The following MOCOS variants were observed in gnomAD, a reference collection of about 807,000 sequenced individuals.
MOCOS encodes the protein molybdenum cofactor sulfurase.
In MOCOS, 86 loss-of-function variants were observed where a neutral mutation model predicts 83.6. The ratio of observed to expected loss-of-function variants is 1.03; its 90% CI spans 0.86 to 1.23. The LOEUF (loss-of-function observed/expected upper bound fraction) is 1.23, where lower values mean the gene tolerates loss of function less well. Ranked by LOEUF, MOCOS falls within the 50% of genes most tolerant of loss-of-function variation. The pLI is 0.00. For missense variants in MOCOS, 1,120 were observed against 1,126.9 expected, an observed-to-expected ratio of 0.99 and a Z score of 0.09; for synonymous variants, 445 against 434.7, an observed-to-expected ratio of 1.02 and a Z score of -0.29.
chr18:36,263,544 G>A (rs903047208), intron 13 of MOCOS, among the ~76,000 whole-genome samples: 2 of 152,194 alleles, frequency 1.3e-5, no homozygotes, highest in Non-Finnish European at 2.9e-5. Flanking sequence ...AGATCCCAGC[G>A]AGTGTGTTTA....
intron 11 of MOCOS, among the ~76,000 whole-genome samples, chr18:36,256,099 T>A (rs1434534894): frequency 6.6e-6 from 1 of 151,786 alleles, no homozygotes; most frequent in African/African-American, 2.4e-5. Flanking sequence ...TCCATGTTGG[T>A]CAGGCTGGTC....
rs111997432 is a variant in MOCOS, at chr18:36,256,090, C to G, written c.2165-878C>G. On this transcript the variant is annotated intron_variant, in intron 11 of 14. Transcript: ENST00000261326. ...TATTTTTACTAGAGATGGGGTTTCT[C>G]CATGTTGGTCAGGCTGGTCTTGAAC... Among the ~76,000 whole-genome samples the G allele has an allele frequency of 2.6e-3, 391 of 152,116 alleles. 3 individuals are homozygous for G. The highest frequency in any genetic ancestry group is 9.0e-3 in the African/African-American group (373 of 41,506).
intron 1 of MOCOS, among the ~76,000 whole-genome samples, chr18:36,193,317 C>CA (rs555145311): frequency 0.039 from 1,495 of 38,272 alleles, 530 homozygotes; most frequent in East Asian, 0.084. Flanking sequence ...GACTCCGTCT[C>CA]AAAAAAAAAA....
intron 6 of MOCOS, among the ~76,000 whole-genome samples, chr18:36,209,603 T>A (rs113003820): frequency 0.036 from 5,462 of 152,236 alleles, 282 homozygotes; most frequent in African/African-American, 0.11. Flanking sequence ...GATTTTCCAT[T>A]CCTGAGTTAT....
chr18:36,191,573 A>G (rs985015943), intron 1 of MOCOS, among the ~76,000 whole-genome samples: 3 of 152,196 alleles, frequency 2.0e-5, no homozygotes, highest in Admixed American at 2.0e-4. Context: ...CCTCCCAAGT[A>G]GCTGGGACTA....
chr18:36,262,199 ATAAAATTATT>A (rs1356149971), intron 13 of MOCOS, among the ~76,000 whole-genome samples: 1 of 148,236 alleles, frequency 6.7e-6, no homozygotes, highest in Non-Finnish European at 1.5e-5. Flanking sequence ...TAAAATAAGT[ATAAAATTATT>A]TTCACCAGCC....
At chr18:36,191,890 A>C (rs2091367776) in intron 1 of MOCOS, among the ~76,000 whole-genome samples, 1 of 152,236 alleles carries the variant, frequency 6.6e-6, no homozygotes, top group South Asian at 2.1e-4. Flanking sequence ...AATGCCTGAC[A>C]CATAGTAGGT....
At position 36,215,675 on chromosome 18, in the gene MOCOS, C is replaced by A; in HGVS notation, c.1495C>A (p.Pro499Thr). 1 of 1,614,184 alleles carries A rather than the reference C, an allele frequency of 6.2e-7. No homozygotes were observed. The highest frequency in any genetic ancestry group is 1.1e-5 in the South Asian group (1 of 91,082). The change falls in exon 8 of 15, where the codon CCT becomes ACT. Residue 499 changes from proline to threonine, a missense_variant. Transcript: ENST00000261326. ...GCACTCATCAGGGGACTGGCCTGTC[C>A]CTCAGGCCCATGCTGACACCGGGGA... ...RLHSSGDWPV[P>T]QAHADTGETG...
intron 6 of MOCOS, among the ~76,000 whole-genome samples, chr18:36,210,804 T>C: frequency 7.7e-6 from 1 of 129,298 alleles, no homozygotes; most frequent in Admixed American, 9.4e-5. Context: ...TGAGCTGAGA[T>C]TGTACCACTG....
At chr18:36,210,568 T>C (rs2091450900) in intron 6 of MOCOS, among the ~76,000 whole-genome samples, 1 of 152,058 alleles carries the variant, frequency 6.6e-6, no homozygotes, top group Admixed American at 6.6e-5. Context: ...AAAGTAAATG[T>C]GCCTGGGTGC....
chr18:36,224,299 G>T (rs1340190303), intron 9 of MOCOS, among the ~76,000 whole-genome samples: 2 of 151,886 alleles, frequency 1.3e-5, no homozygotes, highest in Non-Finnish European at 2.9e-5. Context: ...TTGCCTAATT[G>T]CTCTGACTAG....
intron 5 of MOCOS, among the ~76,000 whole-genome samples, chr18:36,204,319 TACG>T (rs2091426268): frequency 6.6e-6 from 1 of 152,218 alleles, no homozygotes; most frequent in Admixed American, 6.5e-5. Context: ...AGTAGAATCA[TACG>T]ACATTTGTCC....
chr18:36,188,676 A>T (rs2091352454), intron 1 of MOCOS, among the ~76,000 whole-genome samples: 1 of 152,150 alleles, frequency 6.6e-6, no homozygotes, highest in Non-Finnish European at 1.5e-5. Flanking sequence ...CTTAGGTTTC[A>T]CTACTCGGGT....
At position 36,253,320 on chromosome 18, in the gene MOCOS, GA is replaced by G. The variant is rs376442031; in HGVS notation, c.2164+2039del. Among the ~76,000 whole-genome samples, 372 of 152,294 alleles carry G rather than the reference GA, an allele frequency of 2.4e-3. 3 individuals carry two copies. Among genetic ancestry groups the G allele is most frequent in the African/African-American group, 8.7e-3 (361 of 41,570 alleles). ...CGAAGGGCAGAATCCTCTACACCTGGAATGAGTCACAGAGGGCTTCAGGGAG... is the reference window on the plus strand; with the variant it reads ...CGAAGGGCAGAATCCTCTACACCTGGATGAGTCACAGAGGGCTTCAGGGAG... On this transcript the variant is annotated intron_variant, in intron 11 of 14. Transcript: ENST00000261326.
rs1029438656 is a variant in MOCOS, at chr18:36,271,697, C to T, written c.*3012C>T. 1.3e-5 allele frequency: 2 copies of T among 152,142 alleles called. No individual in the cohort carries two copies. The highest frequency in any genetic ancestry group is 2.9e-5 in the Non-Finnish European group (2 of 68,028). 9.4% of individuals were successfully genotyped at this position (152,142 alleles called of 1,614,324 possible). A position where few individuals can be genotyped will look rare whatever the true frequency, so the allele number is the denominator to read the frequency against. On this transcript the variant is annotated 3_prime_UTR_variant, in exon 15 of 15. Coordinates refer to ENST00000261326, the MANE Select transcript of MOCOS (RefSeq NM_017947.4). The stretch of plus-strand genomic sequence containing the variant: ...ACAATAACTTGTCTTTCTGGGCATT[C>T]GCGTCATGGTCCTTTTAGCCAGAAG...
chr18:36,202,968 A>G (rs1322894530), intron 4 of MOCOS, 145 bp from the exon 5 acceptor site: 2 of 786,144 alleles, frequency 2.5e-6, no homozygotes, highest in East Asian at 5.1e-5. Flanking sequence ...TGGGGATTAC[A>G]ATTAGAGATG....
Position 36,200,224 on chromosome 18 carries a change from G to C in MOCOS, c.841G>C (p.Ala281Pro), listed in dbSNP as rs748043041. The C allele has an allele frequency of 6.2e-7, 1 of 1,614,172 alleles. No homozygotes were observed. The part of the protein sequence containing the change: ...GLGALLVHNR[A>P]APLLRKTYFG... ...GGGCGCTCTGCTGGTCCATAATCGT[G>C]CGGCTCCTCTACTGAGGAAGACCTA... The change falls in exon 4 of 15, where the codon GCG becomes CCG. Residue 281 changes from alanine (A) to proline (P), a missense_variant. By Grantham distance (27) the Ala-to-Pro change is conservative. Transcript: ENST00000261326.
rs1406913661 is a variant in MOCOS at position 36,199,681 on chromosome 18, A to C, written c.300-2A>C. 1 of 1,613,502 alleles carries C rather than the reference A, an allele frequency of 6.2e-7. No individual in the cohort carries two copies. On this transcript the variant is annotated splice_acceptor_variant, in intron 3 of 14. Coordinates refer to ENST00000261326, the MANE Select transcript of MOCOS (RefSeq NM_017947.4). LOFTEE classifies it high-confidence loss of function. ...GTTGCGGGGATGCTGTGCTTCTTCC[A>C]GAATCCTGGCGCACTTCCACACCAC... is the stretch of plus-strand genomic sequence containing the variant.
At chr18:36,227,623 T>G (rs937771844) in intron 9 of MOCOS, among the ~76,000 whole-genome samples, 8 of 152,272 alleles carry the variant, frequency 5.3e-5, no homozygotes, top group African/African-American at 1.7e-4. Flanking sequence ...CCTGAACTCC[T>G]AACCTCAGGT....
Sources: allele counts gnomAD v4.1 joint callset (sites outside exome capture counted in the v4.1 genomes callset), GRCh38; gene constraint gnomAD v4.1.1; transcripts MANE v1.5; gene names NCBI Gene and HGNC (gene_info 2026-07-23, HGNC 2026-07-21).